HS3ST4: variants seen among roughly 807,000 people sequenced by gnomAD.
HS3ST4 encodes the protein heparan sulfate glucosamine 3-O-sulfotransferase 4.
A neutral mutation model predicts 29.2 loss-of-function variants in HS3ST4; 17 were observed. The ratio of observed to expected loss-of-function variants is 0.58; its 90% confidence interval spans 0.40 to 0.87. HS3ST4 has a LOEUF of 0.87. Ranked by LOEUF, HS3ST4 falls within the 40% of genes least tolerant of loss-of-function variation. The pLI is 0.00. For missense variants in HS3ST4, 627 were observed against 634.5 expected (o/e 0.99, Z 0.13); for synonymous variants, 314 against 285.7 (o/e 1.10, Z -1.00).
chr16:26,046,368 C>G (rs771444627), intron 1 of HS3ST4, among the ~76,000 whole-genome samples: 1 of 151,998 alleles, frequency 6.6e-6, no homozygotes, highest in South Asian at 2.1e-4. Flanking sequence ...CCAGGCTGGT[C>G]CCGAACTCTT....
chr16:25,788,276 G>A (rs1169265436), intron 1 of HS3ST4, among the ~76,000 whole-genome samples: 1 of 151,984 alleles, frequency 6.6e-6, no homozygotes, highest in African/African-American at 2.4e-5. Flanking sequence ...ATAGCTGTGT[G>A]TGGTGATGGG....
At chr16:26,116,427 GACATAGT>G (rs748181244) in intron 1 of HS3ST4, among the ~76,000 whole-genome samples, 13 of 152,192 alleles carry the variant, frequency 8.5e-5, no homozygotes, top group South Asian at 6.2e-4. Context: ...GTTATGCAAG[GACATAGT>G]ACCAGGAGGT....
chr16:26,051,254 C>A (rs1284927716), intron 1 of HS3ST4, among the ~76,000 whole-genome samples: 1 of 151,996 alleles, frequency 6.6e-6, no homozygotes, highest in Non-Finnish European at 1.5e-5. Flanking sequence ...GTTAATGACA[C>A]CTGCCTACTG....
intron 1 of HS3ST4, among the ~76,000 whole-genome samples, chr16:26,018,817 C>T (rs900011782): frequency 6.7e-5 from 10 of 150,276 alleles, no homozygotes; most frequent in Non-Finnish European, 1.5e-4. Context: ...GATCTGGCAA[C>T]CAAGCCTCCT....
intron 1 of HS3ST4, among the ~76,000 whole-genome samples, chr16:25,982,459 C>A (rs1244423840): frequency 6.6e-6 from 1 of 152,178 alleles, no homozygotes; most frequent in East Asian, 1.9e-4. Flanking sequence ...TCTGGATTTA[C>A]TTTTTGGGGC....
chr16:25,733,088 C>A (rs113233853), intron 1 of HS3ST4, among the ~76,000 whole-genome samples: 27 of 152,246 alleles, frequency 1.8e-4, no homozygotes, highest in African/African-American at 6.3e-4. Flanking sequence ...CTTTCTAGAA[C>A]GTTATACCTA....
intron 1 of HS3ST4, among the ~76,000 whole-genome samples, chr16:26,036,620 T>C (rs181064493): frequency 5.9e-5 from 9 of 152,170 alleles, no homozygotes; most frequent in African/African-American, 2.2e-4. Flanking sequence ...TTAGATGTAC[T>C]TTTTTTCCTA....
chr16:25,935,953 A>G (rs1438394068), intron 1 of HS3ST4, among the ~76,000 whole-genome samples: 1 of 152,200 alleles, frequency 6.6e-6, no homozygotes, highest in Admixed American at 6.5e-5. Context: ...AAAATAGGGA[A>G]GAGGTCTTGC....
At chr16:25,913,183 C>A (rs1968257319) in intron 1 of HS3ST4, among the ~76,000 whole-genome samples, 1 of 152,218 alleles carries the variant, frequency 6.6e-6, no homozygotes, top group Non-Finnish European at 1.5e-5. Flanking sequence ...CTGATAAATT[C>A]CCGGATACTG....
At chr16:25,873,999 GAATTAT>G (rs1967800644) in intron 1 of HS3ST4, among the ~76,000 whole-genome samples, 1 of 147,538 alleles carries the variant, frequency 6.8e-6, no homozygotes, top group Admixed American at 6.7e-5. Flanking sequence ...GAGGAAAAGT[GAATTAT>G]ACCCTTATCA....
intron 1 of HS3ST4, among the ~76,000 whole-genome samples, chr16:25,847,025 T>G (rs2141647678): frequency 6.6e-6 from 1 of 152,112 alleles, no homozygotes; most frequent in East Asian, 1.9e-4. Flanking sequence ...TTTTTTTTTT[T>G]TTTGACTCTT....
At chr16:25,716,706 T>C (rs1197694528) in intron 1 of HS3ST4, among the ~76,000 whole-genome samples, 4 of 152,206 alleles carry the variant, frequency 2.6e-5, no homozygotes, top group Non-Finnish European at 5.9e-5. Flanking sequence ...CAGAGCATCT[T>C]ATGAAGCCCT....
intron 1 of HS3ST4, among the ~76,000 whole-genome samples, chr16:26,088,822 A>T (rs1010812833): frequency 5.3e-5 from 8 of 152,208 alleles, no homozygotes; most frequent in African/African-American, 1.7e-4. Context: ...GTGTTCTCTC[A>T]GTGTCAGATG....
intron 1 of HS3ST4, among the ~76,000 whole-genome samples, chr16:25,786,009 G>C (rs984169862): frequency 6.6e-5 from 10 of 152,190 alleles, no homozygotes; most frequent in African/African-American, 1.9e-4. Context: ...TGAAGACGTA[G>C]AATCAACAGG....
At chr16:25,894,110 A>G (rs559558371) in intron 1 of HS3ST4, among the ~76,000 whole-genome samples, 1 of 152,308 alleles carries the variant, frequency 6.6e-6, no homozygotes, top group East Asian at 1.9e-4. Context: ...CTTACCCTGA[A>G]TAACCTCAGT....
intron 1 of HS3ST4, among the ~76,000 whole-genome samples, chr16:26,120,306 G>A (rs1899258795): frequency 6.6e-6 from 1 of 152,130 alleles, no homozygotes; most frequent in Non-Finnish European, 1.5e-5. Context: ...AGCTGTGAAA[G>A]TCAGGTCTAA....
chr16:25,921,956 T>C (rs985976265), intron 1 of HS3ST4, among the ~76,000 whole-genome samples: 1 of 151,996 alleles, frequency 6.6e-6, no homozygotes, highest in African/African-American at 2.4e-5. Context: ...GGTTTTGCCA[T>C]GTTACCCAGG....
chr16:26,112,254 G>A (rs774771356), intron 1 of HS3ST4, among the ~76,000 whole-genome samples: 82 of 29,468 alleles, frequency 2.8e-3, no homozygotes, highest in Non-Finnish European at 5.1e-3. Flanking sequence ...GTGTGTATGT[G>A]TGTGTGTGTG....
chr16:25,712,831 A>G (rs566764036), intron 1 of HS3ST4, among the ~76,000 whole-genome samples: 8 of 152,274 alleles, frequency 5.3e-5, no homozygotes, highest in African/African-American at 1.9e-4. Flanking sequence ...CTGGGTGACA[A>G]ACAACAGAAA....
Sources: gnomAD v4.1 joint callset for allele counts (sites outside exome capture counted in the v4.1 genomes callset) on GRCh38, gnomAD v4.1.1 for gene constraint, MANE v1.5 for transcripts, NCBI Gene and HGNC (gene_info 2026-07-23, HGNC 2026-07-21) for gene names.